TEX11: variants seen among roughly 807,000 people sequenced by gnomAD.
The protein encoded by TEX11 is testis expressed 11, also known as testis-expressed protein 11.
TEX11 carries 7 observed loss-of-function variants against 84.4 expected under a neutral mutation model. That is an observed-to-expected ratio of 0.08 (90% CI 0.05 to 0.16). The LOEUF is 0.16. Among genes scored for constraint, TEX11 ranks in the 10% least tolerant of loss-of-function variants. TEX11 has a pLI of 1.00. For missense variants in TEX11, 551 were observed against 660.5 expected (o/e 0.83, Z 1.82); for synonymous variants, 264 against 222.8 (o/e 1.18, Z -1.64).
At chrX:70,712,728 A>G (rs1350478917) in intron 13 of TEX11, among the ~76,000 whole-genome samples, 7 of 110,972 alleles carry the variant, frequency 6.3e-5, no homozygotes, top group Admixed American at 2.9e-4. Context: ...CAATCATGTC[A>G]TCTGCAAACA....
intron 8 of TEX11, among the ~76,000 whole-genome samples, chrX:70,827,848 A>T (rs2147827929): frequency 8.9e-6 from 1 of 112,115 alleles, no homozygotes; most frequent in African/African-American, 3.2e-5. Context: ...GGCAAGGTCC[A>T]GTGCTGTGCT....
chrX:70,591,587 A>G (rs2088930891), intron 25 of TEX11, among the ~76,000 whole-genome samples, 164 bp downstream of exon 25: 1 of 111,074 alleles, frequency 9.0e-6, no homozygotes, highest in Non-Finnish European at 1.9e-5. Context: ...TGGGTGACAC[A>G]GTGAGACCCT....
intron 17 of TEX11, among the ~76,000 whole-genome samples, chrX:70,633,067 C>T (rs2089529144): frequency 8.9e-6 from 1 of 111,848 alleles, no homozygotes. Context: ...CCAATTCACC[C>T]TATGAAGTCA....
rs571014216 is a variant in TEX11 at position 70,835,777 on chromosome X, G to C, written c.526-2184C>G. ...CAGATGTGAAAGCATTTCATAAACTGTAAGTCAGTATTCAAAAATGTGTAC... is the reference window on the plus strand; with the variant it reads ...CAGATGTGAAAGCATTTCATAAACTCTAAGTCAGTATTCAAAAATGTGTAC... On this transcript the variant is annotated intron_variant, in intron 7 of 29. Transcript: ENST00000374333. Among the ~76,000 whole-genome samples, 21 of 111,888 alleles carry C rather than the reference G, an allele frequency of 1.9e-4. No homozygotes were observed. The South Asian group carries it at 7.4e-3, about 39-fold the overall frequency.
At chrX:70,869,457 G>A (rs1381593591) in intron 4 of TEX11, among the ~76,000 whole-genome samples, 2 of 111,600 alleles carry the variant, frequency 1.8e-5, no homozygotes, top group Non-Finnish European at 3.8e-5. Flanking sequence ...TCCACAATCT[G>A]TTTTGCATCC....
the TEX11 span, among the ~76,000 whole-genome samples, chrX:70,520,985 C>G: frequency 4.5e-5 from 5 of 112,123 alleles, no homozygotes; most frequent in East Asian, 2.8e-4. Flanking sequence ...TTGCTAAGAC[C>G]GTTGGAAAAG....
chrX:70,567,549 T>C (rs1393126726), intron 25 of TEX11, among the ~76,000 whole-genome samples: 1 of 111,548 alleles, frequency 9.0e-6, no homozygotes, highest in Non-Finnish European at 1.9e-5. Context: ...TTTAGTGCTA[T>C]AAATTTCCCT....
intron 28 of TEX11, among the ~76,000 whole-genome samples, chrX:70,551,622 C>T (rs754675938): frequency 1.6e-3 from 177 of 111,457 alleles, no homozygotes; most frequent in African/African-American, 5.5e-3. Flanking sequence ...CTGAATTGTG[C>T]ACAAGCCATG....
At position 70,561,544 on chromosome X, in the gene TEX11, T is replaced by C. The variant is rs2088374924; in HGVS notation, c.2141-6744A>G. On this transcript the variant is annotated intron_variant, in intron 25 of 29. Transcript: ENST00000374333. ...CTGGGACTACAGGCACGTGCCACCA[T>C]GCCCAGCTGATTTTTGTATTTTTAG... is the stretch of plus-strand genomic sequence containing the variant. Among the ~76,000 whole-genome samples the C allele has an allele frequency of 6.5e-5, 7 of 107,443 alleles. No individual in the cohort carries two copies. In the Admixed American group the frequency reaches 7.1e-4, roughly 11 times the overall value. 93.3% of individuals were successfully genotyped at this position (107,443 alleles called of 115,157 possible).
At chrX:70,525,963 G>A (rs941254096), downstream of TEX11, among the ~76,000 whole-genome samples, 4 of 111,025 alleles carry the variant, frequency 3.6e-5, no homozygotes, top group African/African-American at 1.3e-4. Context: ...GCGCGGCGGG[G>A]GTCAGGGTCA....
At chrX:70,580,415 T>C (rs969413539) in intron 25 of TEX11, among the ~76,000 whole-genome samples, 1 of 112,146 alleles carries the variant, frequency 8.9e-6, no homozygotes, top group Non-Finnish European at 1.9e-5. Flanking sequence ...TCAGTATTAA[T>C]TGTACATTCT....
chrX:70,867,496 C>G (rs2091605635), intron 4 of TEX11, among the ~76,000 whole-genome samples: 1 of 111,781 alleles, frequency 8.9e-6, no homozygotes, highest in East Asian at 2.8e-4. Flanking sequence ...CTACCACTGA[C>G]TTTCTTCACA....
At chrX:70,640,750 A>AGGGCTCTTT (rs1397787766) in intron 17 of TEX11, among the ~76,000 whole-genome samples, 29 of 110,535 alleles carry the variant, frequency 2.6e-4, no homozygotes, top group African/African-American at 9.2e-4. Flanking sequence ...GGCCTGCCCT[A>AGGGCTCTTT]AAAGAGCTCC....
chrX:70,634,176 C>T (rs912963928), intron 17 of TEX11, among the ~76,000 whole-genome samples: 1 of 111,162 alleles, frequency 9.0e-6, no homozygotes, highest in African/African-American at 3.3e-5. Context: ...ATGCAGAAGA[C>T]AGGTACAATG....
At chrX:70,678,706 A>T in intron 15 of TEX11, 98 bp downstream of exon 15, 1 of 627,159 alleles carries the variant, frequency 1.6e-6, no homozygotes, top group Non-Finnish European at 2.5e-6. Context: ...ACAGACAGAG[A>T]TTATTGAAGT....
At chrX:70,841,903 C>T (rs1255611220) in intron 7 of TEX11, among the ~76,000 whole-genome samples, 1 of 111,913 alleles carries the variant, frequency 8.9e-6, no homozygotes, top group African/African-American at 3.2e-5. Flanking sequence ...AACTCCTCGA[C>T]ACATACACCC....
At chrX:70,752,099 A>T (rs1053429496) in intron 9 of TEX11, among the ~76,000 whole-genome samples, 1 of 112,104 alleles carries the variant, frequency 8.9e-6, no homozygotes, top group African/African-American at 3.2e-5. Context: ...ACCAAAAGTT[A>T]TAAGAAGGTT....
At chrX:70,575,607 C>T (rs1229214578) in intron 25 of TEX11, among the ~76,000 whole-genome samples, 3 of 111,651 alleles carry the variant, frequency 2.7e-5, no homozygotes, top group Non-Finnish European at 1.9e-5. Context: ...GAAAACTGAA[C>T]CTTCTGGATC....
chrX:70,770,532 T>A (rs1332562975), intron 9 of TEX11, among the ~76,000 whole-genome samples: 1 of 110,980 alleles, frequency 9.0e-6, no homozygotes, highest in Non-Finnish European at 1.9e-5. Flanking sequence ...CATATGTAAC[T>A]AACCTGCACA....
Sources: gnomAD v4.1 joint callset for allele counts (sites outside exome capture counted in the v4.1 genomes callset) on GRCh38, gnomAD v4.1.1 for gene constraint, MANE v1.5 for transcripts, NCBI Gene and HGNC (gene_info 2026-07-23, HGNC 2026-07-21) for gene names.